The following CACNA2D3 variants were observed in gnomAD, a reference collection of about 807,000 sequenced individuals.
CACNA2D3 encodes calcium voltage-gated channel auxiliary subunit alpha2delta 3.
In CACNA2D3, 60 loss-of-function variants were observed where a neutral mutation model predicts 160.6. That is an observed-to-expected ratio of 0.37 (90% CI 0.30 to 0.46). The LOEUF (loss-of-function observed/expected upper bound fraction) is 0.46, where lower values mean the gene tolerates loss of function less well. Among genes scored for constraint, CACNA2D3 ranks in the 20% least tolerant of loss-of-function variants. The pLI, the probability that CACNA2D3 is intolerant of heterozygous loss-of-function variation, is 1.00. For synonymous variants in CACNA2D3, 558 were observed against 492.9 expected, an observed-to-expected ratio of 1.13 and a Z score of -1.75; for missense variants, 1,205 against 1,365.0, an observed-to-expected ratio of 0.88 and a Z score of 1.85.
At chr3:54,717,772 TGTGTGTGCATGTGCGTGTGTGGTGTGCG>T (rs1701086149) in intron 11 of CACNA2D3, among the ~76,000 whole-genome samples, 1 of 88,680 alleles carries the variant, frequency 1.1e-5, no homozygotes, top group Non-Finnish European at 2.6e-5. Context: ...GTGTGTGTGG[TGTGTGTGCATGTGCGTGTGTGGTGTGCG>T]TGTGTGCGCA....
intron 3 of CACNA2D3, among the ~76,000 whole-genome samples, chr3:54,323,983 C>T (rs2107511346): frequency 6.6e-6 from 1 of 152,246 alleles, no homozygotes; most frequent in African/African-American, 2.4e-5. Context: ...ACCTGGTTCA[C>T]AAACAACCCT....
chr3:54,554,105 T>C (rs1326357146), intron 5 of CACNA2D3, among the ~76,000 whole-genome samples: 1 of 152,154 alleles, frequency 6.6e-6, no homozygotes, highest in Non-Finnish European at 1.5e-5. Context: ...TGTACAAAGC[T>C]CTTGCTAGCG....
intron 5 of CACNA2D3, among the ~76,000 whole-genome samples, chr3:54,541,925 A>T (rs1484364515): frequency 2.1e-5 from 3 of 144,912 alleles, no homozygotes; most frequent in Non-Finnish European, 4.6e-5. Context: ...CATTTAGGAA[A>T]GGGTGTGTGT....
intron 5 of CACNA2D3, among the ~76,000 whole-genome samples, chr3:54,538,244 G>A (rs1004712509): frequency 1.7e-4 from 26 of 152,196 alleles, no homozygotes; most frequent in African/African-American, 6.3e-4. Flanking sequence ...TATTTGGCAA[G>A]TTAAATTGAT....
At chr3:55,000,914 G>A (rs1702967419) in intron 31 of CACNA2D3, among the ~76,000 whole-genome samples, 1 of 152,186 alleles carries the variant, frequency 6.6e-6, no homozygotes, top group African/African-American at 2.4e-5. Context: ...GCCTGCTTCT[G>A]AGCAGAGAGC....
intron 34 of CACNA2D3, among the ~76,000 whole-genome samples, chr3:55,015,943 C>T (rs1158669274): frequency 1.3e-5 from 2 of 152,226 alleles, no homozygotes; most frequent in African/African-American, 2.4e-5. Context: ...ACCTAAAATT[C>T]ACCTTACCCT....
intron 11 of CACNA2D3, among the ~76,000 whole-genome samples, chr3:54,697,674 C>T (rs1700689282): frequency 1.3e-5 from 2 of 152,160 alleles, no homozygotes; most frequent in Admixed American, 6.6e-5. Flanking sequence ...ATTTTTCATG[C>T]ATTCCAGAGA....
chr3:54,760,022 A>G (rs1702051087), intron 12 of CACNA2D3, among the ~76,000 whole-genome samples: 1 of 152,156 alleles, frequency 6.6e-6, no homozygotes, highest in South Asian at 2.1e-4. Context: ...GAATGTTCCC[A>G]CCTTACTAAT....
intron 27 of CACNA2D3, among the ~76,000 whole-genome samples, chr3:54,943,346 A>G (rs1245888517): frequency 1.3e-5 from 2 of 152,062 alleles, no homozygotes; most frequent in Non-Finnish European, 2.9e-5. Context: ...CTCACTGTCA[A>G]GTTAAGATTG....
chr3:54,764,368 C>T lies in CACNA2D3; in HGVS notation c.1380+17C>T. On this transcript the variant is annotated intron_variant, in intron 13 of 37. Coordinates refer to ENST00000474759, the MANE Select transcript of CACNA2D3 (RefSeq NM_018398.3). ...GACAGCACTGTGAGTCCACGGGGCC[C>T]TGGGAAAGAGGCTAAGCTTTACCCC... 5 of 1,613,358 alleles carry T rather than the reference C, an allele frequency of 3.1e-6. No individual in the cohort carries two copies. In the South Asian group the frequency reaches 5.5e-5, roughly 18 times the overall value.
At chr3:54,910,650 G>A (rs969254392) in intron 27 of CACNA2D3, among the ~76,000 whole-genome samples, 1 of 152,032 alleles carries the variant, frequency 6.6e-6, no homozygotes, top group Non-Finnish European at 1.5e-5. Context: ...TTACTCTCAA[G>A]GCTTTGAACA....
At chr3:54,597,864 T>G (rs1702983494) in intron 9 of CACNA2D3, among the ~76,000 whole-genome samples, 1 of 152,086 alleles carries the variant, frequency 6.6e-6, no homozygotes, top group Non-Finnish European at 1.5e-5. Context: ...ATTTTAGAAA[T>G]GGAAATGCCT....
intron 27 of CACNA2D3, among the ~76,000 whole-genome samples, chr3:54,956,159 T>C (rs990205551): frequency 6.6e-6 from 1 of 152,170 alleles, no homozygotes; most frequent in African/African-American, 2.4e-5. Flanking sequence ...GCTGATCATA[T>C]CTGCCACCCA....
At chr3:54,890,213 T>C (rs1700024814) in intron 24 of CACNA2D3, among the ~76,000 whole-genome samples, 1 of 152,148 alleles carries the variant, frequency 6.6e-6, no homozygotes, top group Admixed American at 6.5e-5. Flanking sequence ...TATGTGTTTG[T>C]GGACCAGGCA....
chr3:54,708,644 T>G (rs1700897164), intron 11 of CACNA2D3, among the ~76,000 whole-genome samples: 1 of 152,176 alleles, frequency 6.6e-6, no homozygotes, highest in African/African-American at 2.4e-5. Context: ...AGACAGATAA[T>G]TAAATCTTTT....
At chr3:54,574,613 A>T (rs62255462) in intron 8 of CACNA2D3, among the ~76,000 whole-genome samples, 36,968 of 152,170 alleles carry the variant, frequency 0.24, 5,045 homozygotes, top group Middle Eastern at 0.36. Context: ...CCACTGGTGC[A>T]TGAAGAGAGA....
chr3:54,535,427 T>C (rs1036880801), intron 5 of CACNA2D3, among the ~76,000 whole-genome samples: 2 of 152,234 alleles, frequency 1.3e-5, no homozygotes, highest in Non-Finnish European at 2.9e-5. Context: ...TTTTCTTGAT[T>C]CATAAACTTA....
intron 5 of CACNA2D3, among the ~76,000 whole-genome samples, chr3:54,560,796 C>G (rs1156426611): frequency 1.3e-5 from 2 of 152,198 alleles, no homozygotes; most frequent in Non-Finnish European, 2.9e-5. Context: ...CTACATATGG[C>G]TAGCCAGTTA....
chr3:54,542,498 A>G (rs1701997424), intron 5 of CACNA2D3, among the ~76,000 whole-genome samples: 1 of 152,332 alleles, frequency 6.6e-6, no homozygotes, highest in South Asian at 2.1e-4. Context: ...AGGGAAGCCA[A>G]CAGTGCAGTC....
Sources: gnomAD v4.1 joint callset for allele counts (sites outside exome capture counted in the v4.1 genomes callset) on GRCh38, gnomAD v4.1.1 for gene constraint, MANE v1.5 for transcripts, NCBI Gene and HGNC (gene_info 2026-07-23, HGNC 2026-07-21) for gene names.